The following DPY19L2 variants were observed in gnomAD, a reference collection of about 807,000 sequenced individuals.
The protein encoded by DPY19L2 is dpy-19 like 2.
Under a neutral mutation model 97.9 loss-of-function variants are expected in DPY19L2, and 34 were observed. The observed-to-expected ratio is 0.35, with a 90% CI of 0.26 to 0.46. The LOEUF is 0.46. Among genes scored for constraint, DPY19L2 ranks in the 20% least tolerant of loss-of-function variants. DPY19L2 has a pLI of 1.00. For synonymous variants in DPY19L2, 230 were observed against 307.9 expected (o/e 0.75, Z 2.65); for missense variants, 623 against 911.4 (o/e 0.68, Z 4.07).
chr12:63,646,686 G>T (rs1893455915), intron 5 of DPY19L2, among the ~76,000 whole-genome samples: 1 of 152,250 alleles, frequency 6.6e-6, no homozygotes, highest in Admixed American at 6.5e-5. Flanking sequence ...AAATGGAAGT[G>T]ACCACTATGT....
At chr12:63,605,038 A>G (rs541751316) in intron 12 of DPY19L2, among the ~76,000 whole-genome samples, 10 of 152,224 alleles carry the variant, frequency 6.6e-5, no homozygotes, top group Admixed American at 2.0e-4. Flanking sequence ...TGTTTGCTAT[A>G]GTTACAATGA....
At chr12:63,604,324 T>C (rs923238063) in intron 12 of DPY19L2, among the ~76,000 whole-genome samples, 2 of 152,122 alleles carry the variant, frequency 1.3e-5, no homozygotes, top group Non-Finnish European at 2.9e-5. Flanking sequence ...TTTCTCTGGG[T>C]TTGTCTTACT....
At chr12:63,665,472 C>CAAAA (rs760781422) in intron 2 of DPY19L2, among the ~76,000 whole-genome samples, 2 of 94,834 alleles carry the variant, frequency 2.1e-5, no homozygotes, top group Non-Finnish European at 2.4e-5. Flanking sequence ...GACTCTGTCT[C>CAAAA]AAAAAAAAAA....
chr12:63,590,942 G>A lies in DPY19L2; in HGVS notation c.1580+3145C>T, dbSNP rs1430049751. On this transcript the variant is annotated intron_variant, in intron 16 of 21. Coordinates refer to ENST00000324472, the MANE Select transcript of DPY19L2 (RefSeq NM_173812.5). The stretch of plus-strand genomic sequence containing the variant: ...TTATCTTCCATCCATTGACCCCTCC[G>A]AGTCTGTCGCTTCCACATTACACCC... The A allele has an allele frequency of 3.9e-4, 154 of 397,470 alleles. 1 individual carries two copies. Among genetic ancestry groups the A allele is most frequent in the Non-Finnish European group, 1.7e-4 (32 of 190,628 alleles). The allele number at this position is 397,470 out of a possible 1,614,324, so 24.6% of individuals were successfully genotyped here. A position where few individuals can be genotyped will look rare whatever the true frequency, so the allele number is the denominator to read the frequency against.
intron 11 of DPY19L2, among the ~76,000 whole-genome samples, chr12:63,615,359 T>C (rs1306536875): frequency 6.6e-6 from 1 of 152,122 alleles, no homozygotes; most frequent in African/African-American, 2.4e-5. Flanking sequence ...CCCTAATGAA[T>C]TAACAGAGCC....
At chr12:63,591,759 C>T (rs1462958931) in intron 16 of DPY19L2, among the ~76,000 whole-genome samples, 5 of 151,182 alleles carry the variant, frequency 3.3e-5, no homozygotes, top group Non-Finnish European at 2.9e-5. Flanking sequence ...CTGACCAACA[C>T]GGTGAAACCC....
At position 63,668,221 on chromosome 12, in the gene DPY19L2, C is replaced by T; in HGVS notation, c.173G>A (p.Arg58Lys). ...TTTTCGCTCTTTCAGACTTTGGATC[C>T]TCCCCGGGGAGGACCTCCAGGAGCC... ...PRGSWRSSPG[R>K]IQSLKERKGL... Residue 58 changes from arginine to lysine, a missense_variant, in exon 1 of 22, where the codon AGG (arginine) becomes AAG (lysine). Around this residue, in one of 6 missense-constraint regions of DPY19L2, gnomAD observed 144 missense variants for 119.4 expected, o/e 1.21. Coordinates refer to ENST00000324472, the MANE Select transcript of DPY19L2 (RefSeq NM_173812.5). The T allele has an allele frequency of 1.2e-6, 2 of 1,613,910 alleles. No homozygotes were observed. Among genetic ancestry groups the T allele is most frequent in the Non-Finnish European group, 1.7e-6 (2 of 1,179,924 alleles).
chr12:63,563,373 T>G (rs1471180785), intron 21 of DPY19L2, among the ~76,000 whole-genome samples: 1 of 152,200 alleles, frequency 6.6e-6, no homozygotes, highest in Non-Finnish European at 1.5e-5. Context: ...TTTTCTTCCA[T>G]ATTTTCTTCC....
At chr12:63,625,458 G>T (rs186074643) in intron 7 of DPY19L2, among the ~76,000 whole-genome samples, 101 of 150,748 alleles carry the variant, frequency 6.7e-4, no homozygotes, top group African/African-American at 2.3e-3. Context: ...TAAATGTATT[G>T]CTCCCAAGAG....
At chr12:63,631,248 A>G (rs1438113640) in intron 6 of DPY19L2, among the ~76,000 whole-genome samples, 1 of 152,132 alleles carries the variant, frequency 6.6e-6, no homozygotes, top group Non-Finnish European at 1.5e-5. Flanking sequence ...AGAGACACAA[A>G]AACCCCTTCA....
intron 6 of DPY19L2, among the ~76,000 whole-genome samples, chr12:63,634,396 G>A (rs1367713087): frequency 6.6e-6 from 1 of 152,092 alleles, no homozygotes; most frequent in African/African-American, 2.4e-5. Context: ...CAGAAGACGG[G>A]TGATTTCTGC....
chr12:63,588,999 C>G (rs1379580205), intron 16 of DPY19L2, among the ~76,000 whole-genome samples: 3 of 151,874 alleles, frequency 2.0e-5, no homozygotes, highest in Non-Finnish European at 4.4e-5. Context: ...GTGATCCGCC[C>G]ACCTTGGCCT....
At chr12:63,622,549 C>T (rs1888857500) in intron 8 of DPY19L2, among the ~76,000 whole-genome samples, 1 of 152,094 alleles carries the variant, frequency 6.6e-6, no homozygotes, top group African/African-American at 2.4e-5. Context: ...CTGAGTGCCA[C>T]AAATATTTGC....
At chr12:63,620,783 CA>C (rs1368317138) in intron 9 of DPY19L2, among the ~76,000 whole-genome samples, 1 of 152,076 alleles carries the variant, frequency 6.6e-6, no homozygotes, top group Non-Finnish European at 1.5e-5. Context: ...GCACTATTCA[CA>C]ATAGCAAAGA....
At chr12:63,601,069 G>A (rs1219636827) in intron 12 of DPY19L2, among the ~76,000 whole-genome samples, 3 of 152,188 alleles carry the variant, frequency 2.0e-5, no homozygotes, top group African/African-American at 7.2e-5. Flanking sequence ...ACAGGCGTGA[G>A]CCACTGCACC....
At chr12:63,601,036 C>T (rs1435799629) in intron 12 of DPY19L2, among the ~76,000 whole-genome samples, 4 of 152,112 alleles carry the variant, frequency 2.6e-5, no homozygotes, top group Non-Finnish European at 5.9e-5. Context: ...CCACCCGTCT[C>T]GGCCTCCCAA....
chr12:63,581,252 A>G (rs1490995223), intron 18 of DPY19L2, among the ~76,000 whole-genome samples: 1 of 152,118 alleles, frequency 6.6e-6, no homozygotes, highest in Non-Finnish European at 1.5e-5. Flanking sequence ...ATGATATTTT[A>G]AGGCTATACA....
chr12:63,668,247 C>A lies in DPY19L2; in HGVS notation c.147G>T (p.Arg49Ser). 6.2e-7 allele frequency: 1 copy of A among 1,613,868 alleles called. No homozygotes were observed. The highest frequency in any genetic ancestry group is 8.5e-7 in the Non-Finnish European group (1 of 1,179,860). Residue 49 changes from arginine to serine, a missense_variant, in exon 1 of 22, where the codon AGG becomes AGT. This residue lies in a region of DPY19L2 where 144 missense variants were observed against 119.4 expected (regional missense o/e 1.21). Transcript: ENST00000324472. The part of the protein sequence containing the change: ...KSALGGGKLP[R>S]GSWRSSPGRI... ...TCCCCGGGGAGGACCTCCAGGAGCC[C>A]CTTGGCAGTTTCCCGCCGCCTAGGG...
intron 6 of DPY19L2, among the ~76,000 whole-genome samples, chr12:63,633,292 A>T (rs1891045376): frequency 6.6e-6 from 1 of 152,184 alleles, no homozygotes; most frequent in Non-Finnish European, 1.5e-5. Flanking sequence ...ACAGAATGGG[A>T]GAAATTTTTG....
Sources: gnomAD v4.1 joint callset for allele counts (sites outside exome capture counted in the v4.1 genomes callset) on GRCh38, gnomAD v4.1.1 for gene constraint, gnomAD v4.1.1 regional missense constraint, MANE v1.5 for transcripts, NCBI Gene and HGNC (gene_info 2026-07-23, HGNC 2026-07-21) for gene names.